TNKS1BP1: variants seen among roughly 807,000 people sequenced by gnomAD.
TNKS1BP1 encodes the protein 182 kDa tankyrase-1-binding protein.
A neutral mutation model predicts 141.1 loss-of-function variants in TNKS1BP1; 48 were observed. The ratio of observed to expected loss-of-function variants is 0.34; its 90% CI spans 0.27 to 0.43. The LOEUF (loss-of-function observed/expected upper bound fraction) is 0.43. TNKS1BP1 is among the 20% of genes least tolerant of loss of function. The pLI, the probability that TNKS1BP1 is intolerant of heterozygous loss-of-function variation, is 1.00. For missense variants in TNKS1BP1, 2,149 were observed against 2,226.0 expected (o/e 0.97, Z 0.70); for synonymous variants, 875 against 898.2 (o/e 0.97, Z 0.46).
intron 4 of TNKS1BP1, among the ~76,000 whole-genome samples, chr11:57,315,273 C>A (rs747546209): frequency 7.9e-5 from 12 of 151,724 alleles, no homozygotes; most frequent in Admixed American, 7.9e-4. Flanking sequence ...ATTTCCCCAA[C>A]GCCCTTATTT....
In TNKS1BP1 at chr11:57,313,090, G is replaced by A; in HGVS notation, c.1598C>T (p.Ser533Leu). 6.2e-7 allele frequency: 1 copy of A among 1,613,554 alleles called. No homozygotes were observed. Among genetic ancestry groups the A allele is most frequent in the Non-Finnish European group, 8.5e-7 (1 of 1,180,032 alleles). The change falls in exon 5 of 12, where the codon TCA becomes TTA. Residue 533 changes from serine (S) to leucine (L), a missense_variant. Physicochemically the swap from Ser to Leu is moderately radical, Grantham distance 145 (BLOSUM62 -2). Coordinates refer to ENST00000358252, the MANE Select transcript of TNKS1BP1 (RefSeq NM_033396.3). ...GVSQQGQGAG[S>L]APSGSGSSWV... The stretch of plus-strand genomic sequence containing the variant: ...GGAACTTCCTGACCCACTTGGAGCT[G>A]ACCCAGCCCCTTGCCCCTGCTGAGA...
chr11:57,313,007 G>A lies in TNKS1BP1; in HGVS notation c.1681C>T (p.Gln561Ter). The A allele has an allele frequency of 6.2e-7, 1 of 1,613,920 alleles. No individual in the cohort carries two copies. The highest frequency in any genetic ancestry group is 8.5e-7 in the Non-Finnish European group (1 of 1,180,016). Reference protein sequence around the residue: ...SLTQKGDGESQPQFPAVPLEP... With the variant: ...SLTQKGDGES ...AGGGGAACAGCTGGGAATTGAGGTT[G>A]ACTCTCCCCATCGCCCTTCTGGGTG... The change falls in exon 5 of 12, where the codon CAA becomes TAA. Residue 561 changes from glutamine (Q) to a stop codon, truncating the protein, a stop_gained. Transcript: ENST00000358252. LOFTEE classifies it high-confidence loss of function.
At chr11:57,312,398 CT>C (rs1466946745) in intron 5 of TNKS1BP1, 135 bp downstream of exon 5, 2 of 946,756 alleles carry the variant, frequency 2.1e-6, no homozygotes, top group Non-Finnish European at 1.4e-6. Flanking sequence ...GAGCTACAAT[CT>C]GCAGGTCCAC....
intron 5 of TNKS1BP1, among the ~76,000 whole-genome samples, chr11:57,310,975 A>C (rs943848421): frequency 5.9e-5 from 9 of 152,140 alleles, no homozygotes; most frequent in Non-Finnish European, 1.0e-4. Flanking sequence ...CCTCTCTGCG[A>C]CTTCCCTTGC....
At position 57,312,919 on chromosome 11, in the gene TNKS1BP1, T is replaced by C; in HGVS notation, c.1769A>G (p.Tyr590Cys). 1 of 1,612,274 alleles carries C rather than the reference T, an allele frequency of 6.2e-7. No individual in the cohort carries two copies. The highest frequency in any genetic ancestry group is 1.1e-5 in the South Asian group (1 of 90,890). Reference protein sequence around the residue: ...GLPLQQAEERYESQEPLAGQE... With the variant: ...GLPLQQAEERCESQEPLAGQE... The stretch of plus-strand genomic sequence containing the variant: ...TCCAGCCAAGGGCTCCTGCGACTCG[T>C]ATCTCTCCTCTGCCTGCTGCAAAGG... Residue 590 changes from tyrosine (Y) to cysteine (C), a missense_variant, in exon 5 of 12, where the codon TAC (tyrosine) becomes TGC (cysteine). Transcript: ENST00000358252.
chr11:57,315,697 C>T (rs1315189728), intron 4 of TNKS1BP1, among the ~76,000 whole-genome samples: 2 of 151,486 alleles, frequency 1.3e-5, no homozygotes, highest in East Asian at 3.9e-4. Context: ...GATGGCCTTG[C>T]TTCCTGTTCC....
In TNKS1BP1 at chr11:57,313,035, G is replaced by A. The variant is rs188005616; in HGVS notation, c.1653C>T (p.Ser551=). ...SWVQGDDPSM[S]LTQKGDGESQ... ...TCTCCCCATCGCCCTTCTGGGTGAG[G>A]GACATGCTTGGATCATCCCCCTGCA... Residue 551 remains serine (S), a synonymous_variant, in exon 5 of 12, where the codon TCC becomes TCT. Coordinates refer to ENST00000358252, the MANE Select transcript of TNKS1BP1 (RefSeq NM_033396.3). The A allele has an allele frequency of 5.0e-6, 8 of 1,613,898 alleles. No homozygotes were observed. In the East Asian group the frequency reaches 6.7e-5, roughly 13 times the overall value.
chr11:57,313,266 C>G lies in TNKS1BP1; in HGVS notation c.1422G>C (p.Gln474His). ...FGAESNWSLS[Q>H]SFEWTFPTRP... ...TCGTGGGGAAGGTCCATTCGAAGGACTGTGATAAGCTCCAGTTGGACTCTG... is the reference window on the plus strand; with the variant it reads ...TCGTGGGGAAGGTCCATTCGAAGGAGTGTGATAAGCTCCAGTTGGACTCTG... Residue 474 changes from glutamine to histidine, a missense_variant, in exon 5 of 12, where the codon CAG (glutamine) becomes CAC (histidine). By Grantham distance (24) the Gln-to-His change is conservative. Transcript: ENST00000358252. 6.2e-7 allele frequency: 1 copy of G among 1,613,006 alleles called. No homozygotes were observed.
intron 1 of TNKS1BP1, among the ~76,000 whole-genome samples, chr11:57,324,527 G>A (rs1450631076): frequency 6.6e-6 from 1 of 151,422 alleles, no homozygotes; most frequent in South Asian, 2.1e-4. Context: ...GGAAGGGGAG[G>A]CAGGGGTCCC....
Position 57,312,809 on chromosome 11 carries a change from G to A in TNKS1BP1, c.1879C>T (p.Pro627Ser). 6.2e-7 allele frequency: 1 copy of A among 1,612,158 alleles called. No homozygotes were observed. Among genetic ancestry groups the A allele is most frequent in the Non-Finnish European group, 8.5e-7 (1 of 1,179,080 alleles). ...PVLGQEQPAAPDQPCVLFADA... is the reference protein window; with the variant it reads ...PVLGQEQPAASDQPCVLFADA... Reference sequence around the variant, plus strand: ...GCAAAGAGAACACAGGGCTGGTCAGGGGCTGCTGGCTGCTCCTGCCCCAGG... The same window carrying A: ...GCAAAGAGAACACAGGGCTGGTCAGAGGCTGCTGGCTGCTCCTGCCCCAGG... The change falls in exon 5 of 12, where the codon CCT (proline) becomes TCT (serine). Residue 627 changes from proline to serine, a missense_variant. Physicochemically the swap from Pro to Ser is moderately conservative, Grantham distance 74. Coordinates refer to ENST00000358252, the MANE Select transcript of TNKS1BP1 (RefSeq NM_033396.3).
chr11:57,302,858 C>T lies in TNKS1BP1; in HGVS notation c.4317-33G>A, dbSNP rs201927312. The T allele has an allele frequency of 8.9e-5, 132 of 1,485,022 alleles. No individual in the cohort carries two copies. Among genetic ancestry groups the T allele is most frequent in the Admixed American group, 1.1e-4 (5 of 43,560 alleles). 92.0% of individuals were successfully genotyped at this position (1,485,022 alleles called of 1,614,324 possible). ...GGGGACAGAGAGAGAACGAGATCAT[C>T]GTAAGGCCCCATCTCCCTGCCCTGA... On this transcript the variant is annotated intron_variant, in intron 6 of 11. Coordinates refer to ENST00000358252, the MANE Select transcript of TNKS1BP1 (RefSeq NM_033396.3). This position sits in a 1 kb window ranked among gnomAD's most constrained non-coding sequence, Gnocchi z 5.5.
intron 6 of TNKS1BP1, among the ~76,000 whole-genome samples, chr11:57,303,957 G>A (rs545309346): frequency 3.3e-5 from 5 of 151,990 alleles, no homozygotes; most frequent in South Asian, 2.1e-4. Flanking sequence ...CCTGTCCAGC[G>A]GCCACTCCCC....
In TNKS1BP1 at chr11:57,320,712, C is replaced by T; in HGVS notation, c.95G>A (p.Gly32Asp). 6.4e-7 allele frequency: 1 copy of T among 1,569,870 alleles called. No individual in the cohort carries two copies. ...EELVPTGSEP[G>D]DTRAKPPVKP... Reference sequence around the variant, plus strand: ...GACAGGGGGTTTGGCCCGAGTGTCACCTACCAAAAGGAAAGGGTTGGTGGG... The same window carrying T: ...GACAGGGGGTTTGGCCCGAGTGTCATCTACCAAAAGGAAAGGGTTGGTGGG... The change falls in exon 3 of 12, where the codon GGT becomes GAT. Residue 32 changes from glycine to aspartate, a missense_variant and splice_region_variant. By Grantham distance (94) the Gly-to-Asp change is moderately conservative (BLOSUM62 -1). Coordinates refer to ENST00000358252, the MANE Select transcript of TNKS1BP1 (RefSeq NM_033396.3).
chr11:57,313,280 A>G lies in TNKS1BP1; in HGVS notation c.1408T>C (p.Trp470Arg), dbSNP rs1855743891. 1.9e-6 allele frequency: 3 copies of G among 1,612,902 alleles called. No homozygotes were observed. Among genetic ancestry groups the G allele is most frequent in the Non-Finnish European group, 2.5e-6 (3 of 1,180,026 alleles). ...CATTCGAAGGACTGTGATAAGCTCC[A>G]GTTGGACTCTGCCCCAAAGGGACGA... ...LDRPFGAESN[W>R]SLSQSFEWTF... Residue 470 changes from tryptophan (W) to arginine (R), a missense_variant, in exon 5 of 12, where the codon TGG (tryptophan) becomes CGG (arginine). Physicochemically the swap from Trp to Arg is moderately radical, Grantham distance 101. Transcript: ENST00000358252.
chr11:57,317,929 G>A, intron 3 of TNKS1BP1, 42 bp from the exon 4 acceptor site: 1 of 1,591,398 alleles, frequency 6.3e-7, no homozygotes, highest in Non-Finnish European at 8.6e-7. Flanking sequence ...CGGAATGTTA[G>A]AGTCTGTCAC....
At position 57,302,007 on chromosome 11, in the gene TNKS1BP1, C is replaced by T; in HGVS notation, c.4835-64G>A. ...CACCCAGACTCCCCGAACCCATAAC[C>T]CCTGCAAAAGCTTGGCCTAATGCCC... On this transcript the variant is annotated intron_variant, in intron 8 of 11. Coordinates refer to ENST00000358252, the MANE Select transcript of TNKS1BP1 (RefSeq NM_033396.3). This position sits in a 1 kb window ranked among gnomAD's most constrained non-coding sequence, Gnocchi z 5.5. 2 of 1,605,632 alleles carry T rather than the reference C, an allele frequency of 1.2e-6. No homozygotes were observed.
chr11:57,315,881 T>C (rs1236822037), intron 4 of TNKS1BP1, among the ~76,000 whole-genome samples: 1 of 151,858 alleles, frequency 6.6e-6, no homozygotes, highest in Admixed American at 6.6e-5. Context: ...CTGCATCGAT[T>C]TTTTTTTCCC....
intron 1 of TNKS1BP1, among the ~76,000 whole-genome samples, chr11:57,323,171 T>C (rs1350616196): frequency 6.6e-6 from 1 of 152,196 alleles, no homozygotes; most frequent in Non-Finnish European, 1.5e-5. Flanking sequence ...TTCCATTCAG[T>C]GTCACCAATG....
chr11:57,324,842 G>A lies in TNKS1BP1; in HGVS notation c.-68C>T. 1 of 982,876 alleles carries A rather than the reference G, an allele frequency of 1.0e-6. No individual in the cohort carries two copies. The highest frequency in any genetic ancestry group is 1.2e-6 in the Non-Finnish European group (1 of 829,378). The allele number at this position is 982,876 out of a possible 1,614,324, so 60.9% of individuals were successfully genotyped here. ...CCCGACCGCCCCCGCGCACTCACGCGCTCGCCCGGGGTCCGGCTCCGCTCG... is the reference window on the plus strand; with the variant it reads ...CCCGACCGCCCCCGCGCACTCACGCACTCGCCCGGGGTCCGGCTCCGCTCG... On this transcript the variant is annotated splice_region_variant and 5_prime_UTR_variant, in exon 1 of 12. Coordinates refer to ENST00000358252, the MANE Select transcript of TNKS1BP1 (RefSeq NM_033396.3).
Sources: gnomAD v4.1 joint callset for allele counts (sites outside exome capture counted in the v4.1 genomes callset) on GRCh38, gnomAD v4.1.1 for gene constraint, Gnocchi (gnomAD v3.1) non-coding constraint, MANE v1.5 for transcripts, NCBI Gene and HGNC (gene_info 2026-07-23, HGNC 2026-07-21) for gene names.